Variants in HAUS2 observed in about 807,000 individuals in gnomAD.
The protein encoded by HAUS2 is HAUS augmin like complex subunit 2.
In HAUS2, 20 loss-of-function variants were observed where a neutral mutation model predicts 21.6. The ratio of observed to expected loss-of-function variants is 0.93; its 90% CI spans 0.65 to 1.35. HAUS2 has a LOEUF of 1.35. Among genes scored for constraint, HAUS2 ranks in the 40% most tolerant of loss-of-function variants. HAUS2 has a pLI of 0.00. For missense variants in HAUS2, 297 were observed against 280.7 expected, an observed-to-expected ratio of 1.06 and a Z score of -0.42; for synonymous variants, 113 against 95.6, an observed-to-expected ratio of 1.18 and a Z score of -1.06.
chr15:42,553,679 A>G (rs1411853907), intron 1 of HAUS2, among the ~76,000 whole-genome samples: 1 of 152,020 alleles, frequency 6.6e-6, no homozygotes, highest in African/African-American at 2.4e-5. Flanking sequence ...TTTCTCTTGC[A>G]TGTTCTTAGC....
chr15:42,566,672 C>G lies in HAUS2; in HGVS notation c.564C>G (p.Leu188=), dbSNP rs748363048. 29 of 1,605,826 alleles carry G rather than the reference C, an allele frequency of 1.8e-5. No homozygotes were observed. The highest frequency in any genetic ancestry group is 1.9e-5 in the Non-Finnish European group (22 of 1,172,526). ...TETEELAENI[L]KWRKQQNEVS... ...CAGAAGAACTGGCAGAGAATATACT[C>G]AAGTGGCGTAAACAACAAAACGAAG... Residue 188 remains leucine, a synonymous_variant, in exon 6 of 6, where the codon CTC becomes CTG. Coordinates refer to ENST00000260372, the MANE Select transcript of HAUS2 (RefSeq NM_018097.3).
In HAUS2 at chr15:42,569,949, T is replaced by C. The variant is rs2057945234; in HGVS notation, c.*3133T>C. The C allele has an allele frequency of 6.6e-6, 1 of 152,212 alleles. No homozygotes were observed. Among genetic ancestry groups the C allele is most frequent in the Admixed American group, 6.5e-5 (1 of 15,276 alleles). 9.4% of individuals were successfully genotyped at this position (152,212 alleles called of 1,614,324 possible). ...GGTTGTTTATTTTTGTTTTCTATTA[T>C]GCCTTTTTCAAAATATAAAAATAAA... On this transcript the variant is annotated 3_prime_UTR_variant, in exon 6 of 6. Transcript: ENST00000260372.
rs916449118 is a variant in HAUS2, at chr15:42,569,123, A to G, written c.*2307A>G. ...TGCAAAATGCTCAGATATTTTACCT[A>G]TCAGAGGTTATTGTGCATATAATAG... On this transcript the variant is annotated 3_prime_UTR_variant, in exon 6 of 6. Coordinates refer to ENST00000260372, the MANE Select transcript of HAUS2 (RefSeq NM_018097.3). 1 of 152,176 alleles carries G rather than the reference A, an allele frequency of 6.6e-6. No homozygotes were observed. The highest frequency in any genetic ancestry group is 1.5e-5 in the Non-Finnish European group (1 of 68,042). The allele number at this position is 152,176 out of a possible 1,614,324, so 9.4% of individuals were successfully genotyped here.
At chr15:42,552,133 C>G (rs908970382) in intron 1 of HAUS2, among the ~76,000 whole-genome samples, 3 of 152,116 alleles carry the variant, frequency 2.0e-5, no homozygotes, top group African/African-American at 7.2e-5. Flanking sequence ...AGCAATTCTC[C>G]TGCCTCAGCT....
chr15:42,562,006 G>A (rs2057858058), intron 4 of HAUS2, among the ~76,000 whole-genome samples: 1 of 150,652 alleles, frequency 6.6e-6, no homozygotes, highest in Non-Finnish European at 1.5e-5. Flanking sequence ...GCAAAACCCT[G>A]TTTCTACAAA....
intron 1 of HAUS2, among the ~76,000 whole-genome samples, chr15:42,549,442 A>ATTAT (rs985318711): frequency 2.0e-4 from 30 of 151,526 alleles, no homozygotes; most frequent in Middle Eastern, 3.4e-3. Flanking sequence ...ATTTTATTTT[A>ATTAT]TTATTTATTT....
intron 1 of HAUS2, among the ~76,000 whole-genome samples, chr15:42,551,601 A>G (rs1180965579): frequency 6.6e-6 from 1 of 152,128 alleles, no homozygotes; most frequent in Non-Finnish European, 1.5e-5. Flanking sequence ...AGATCGTGCC[A>G]CTGCACTCCA....
chr15:42,558,391 A>G (rs1437135243), intron 2 of HAUS2, 101 bp downstream of exon 2: 5 of 566,836 alleles, frequency 8.8e-6, no homozygotes, highest in Non-Finnish European at 1.5e-5. Context: ...GCAGTGGCAC[A>G]ATCTCGGCTC....
chr15:42,557,142 G>A (rs536478262), intron 1 of HAUS2, among the ~76,000 whole-genome samples: 4 of 146,288 alleles, frequency 2.7e-5, no homozygotes, highest in South Asian at 2.1e-4. Flanking sequence ...GTGAAACCCC[G>A]TCTCTACTAA....
At chr15:42,555,245 C>T (rs1229846433) in intron 1 of HAUS2, among the ~76,000 whole-genome samples, 2 of 152,066 alleles carry the variant, frequency 1.3e-5, no homozygotes, top group Non-Finnish European at 2.9e-5. Flanking sequence ...CTCGGCCTCC[C>T]AAAGTGCTGG....
intron 3 of HAUS2, chr15:42,560,770 A>G (rs761342606): frequency 3.9e-5 from 27 of 700,670 alleles, no homozygotes; most frequent in East Asian, 1.6e-4. Context: ...TGTTTTTTCA[A>G]TTTTTTTGTA....
At chr15:42,564,268 TA>T (rs750975585) in intron 5 of HAUS2, among the ~76,000 whole-genome samples, 7,356 of 130,438 alleles carry the variant, frequency 0.056, 491 homozygotes, top group African/African-American at 0.17. Flanking sequence ...CATCTCCCAT[TA>T]AAAAAAAAAA....
At chr15:42,553,456 T>C (rs941359333) in intron 1 of HAUS2, among the ~76,000 whole-genome samples, 6 of 150,306 alleles carry the variant, frequency 4.0e-5, no homozygotes, top group Non-Finnish European at 7.4e-5. Flanking sequence ...TTTTCTGTAT[T>C]CCCCAATCCC....
chr15:42,563,836 A>G lies in HAUS2; in HGVS notation c.477A>G (p.Leu159=), dbSNP rs776875170. ...AAACAATTAGAAATATTCCTCATTT[A>G]GCTGCAAATCTAAAGAAAATGGTGA... ...HLETIRNIPH[L]AANLKKMNQA... Residue 159 remains leucine, a synonymous_variant, in exon 5 of 6, where the codon TTA becomes TTG. Transcript: ENST00000260372. The G allele has an allele frequency of 4.0e-6, 6 of 1,515,090 alleles. No homozygotes were observed. Among genetic ancestry groups the G allele is most frequent in the Admixed American group, 3.6e-5 (2 of 55,554 alleles). 93.9% of individuals were successfully genotyped at this position (1,515,090 alleles called of 1,614,324 possible).
At chr15:42,558,406 C>G (rs779428611) in intron 2 of HAUS2, 116 bp downstream of exon 2, 1 of 547,896 alleles carries the variant, frequency 1.8e-6, no homozygotes, top group Non-Finnish European at 3.2e-6. Context: ...CGGCTCACTG[C>G]AAACTCCGCC....
rs2057877243 is a variant in HAUS2, at chr15:42,563,869, T to C, written c.498+12T>C. The C allele has an allele frequency of 1.7e-6, 2 of 1,143,112 alleles. No individual in the cohort carries two copies. The highest frequency in any genetic ancestry group is 1.3e-5 in the South Asian group (1 of 76,500). 70.8% of individuals were successfully genotyped at this position (1,143,112 alleles called of 1,614,324 possible). A position where few individuals can be genotyped will look rare whatever the true frequency, so the allele number is the denominator to read the frequency against. On this transcript the variant is annotated intron_variant, in intron 5 of 5. Transcript: ENST00000260372. ...ATCTAAAGAAAATGGTGAGTATTAA[T>C]ATAGCAATCTTCAGTTATTTTTTAC...
chr15:42,551,510 A>G (rs1031816596), intron 1 of HAUS2, among the ~76,000 whole-genome samples: 3 of 151,942 alleles, frequency 2.0e-5, no homozygotes, highest in Admixed American at 2.0e-4. Context: ...GTATAGTGGT[A>G]GGTGCCTGTA....
At chr15:42,559,069 A>G (rs1273295554) in intron 2 of HAUS2, among the ~76,000 whole-genome samples, 1 of 152,156 alleles carries the variant, frequency 6.6e-6, no homozygotes. Context: ...TTACAGTAAT[A>G]GTAGTAAGAG....
At chr15:42,557,515 A>ATG (rs2057800052) in intron 1 of HAUS2, among the ~76,000 whole-genome samples, 1 of 128,844 alleles carries the variant, frequency 7.8e-6, no homozygotes, top group Non-Finnish European at 1.5e-5. Context: ...TGTATATATT[A>ATG]TATATATATG....
Sources: allele counts gnomAD v4.1 joint callset (sites outside exome capture counted in the v4.1 genomes callset), GRCh38; gene constraint gnomAD v4.1.1; transcripts MANE v1.5; gene names NCBI Gene and HGNC (gene_info 2026-07-23, HGNC 2026-07-21).